The following CTNNA2 variants were observed in gnomAD, a reference collection of about 807,000 sequenced individuals.
The protein encoded by CTNNA2 is catenin alpha-2.
Under a neutral mutation model 101.0 loss-of-function variants are expected in CTNNA2, and 42 were observed. That is an observed-to-expected ratio of 0.42 (90% CI 0.32 to 0.54). The LOEUF is 0.54. Among genes scored for constraint, CTNNA2 ranks in the 20% least tolerant of loss-of-function variants. The pLI is 0.14. For missense variants in CTNNA2, 871 were observed against 1,223.1 expected (o/e 0.71, Z 4.29); for synonymous variants, 450 against 456.4 (o/e 0.99, Z 0.18).
At chr2:79,588,581 T>C (rs1233302751) in intron 1 of CTNNA2, among the ~76,000 whole-genome samples, 2 of 152,136 alleles carry the variant, frequency 1.3e-5, no homozygotes, top group Non-Finnish European at 2.9e-5. Flanking sequence ...TAGTGTCTTA[T>C]AGAATGGAAA....
intron 3 of CTNNA2, among the ~76,000 whole-genome samples, chr2:79,800,063 GA>G (rs1486199906): frequency 6.6e-6 from 1 of 152,114 alleles, no homozygotes; most frequent in East Asian, 1.9e-4. Context: ...CATGCAGATG[GA>G]TTAATCTGTA....
At chr2:80,568,785 T>C (rs1694296017) in intron 12 of CTNNA2, among the ~76,000 whole-genome samples, 1 of 152,172 alleles carries the variant, frequency 6.6e-6, no homozygotes, top group Admixed American at 6.5e-5. Flanking sequence ...ATGGATATGT[T>C]GCTGTGGGTC....
rs531792171 is a variant in CTNNA2, at chr2:79,968,781, C to T, written c.1056+58984C>T. Among the ~76,000 whole-genome samples, 13 of 151,818 alleles carry T rather than the reference C, an allele frequency of 8.6e-5. No individual in the cohort carries two copies. The South Asian group carries it at 2.5e-3, about 29-fold the overall frequency. ...TATCTGTATGTTAGTTATTTGTCTTCGCCTTATTTAGAGAGTTGAAGTTCA... is the reference window on the plus strand; with the variant it reads ...TATCTGTATGTTAGTTATTTGTCTTTGCCTTATTTAGAGAGTTGAAGTTCA... On this transcript the variant is annotated intron_variant, in intron 7 of 18. Transcript: ENST00000402739.
intron 18 of CTNNA2, among the ~76,000 whole-genome samples, chr2:80,632,153 G>A (rs910183452): frequency 6.6e-6 from 1 of 151,980 alleles, no homozygotes; most frequent in Non-Finnish European, 1.5e-5. Context: ...GCGAATCCCA[G>A]CATGATTTAT....
chr2:80,513,287 T>G (rs955946849), intron 9 of CTNNA2, among the ~76,000 whole-genome samples: 7 of 152,214 alleles, frequency 4.6e-5, no homozygotes, highest in African/African-American at 1.4e-4. Context: ...CTTCCTTCAG[T>G]TTTTTCCTCC....
chr2:79,683,053 T>C (rs984995213), intron 2 of CTNNA2, among the ~76,000 whole-genome samples: 2 of 152,244 alleles, frequency 1.3e-5, no homozygotes, highest in Non-Finnish European at 2.9e-5. Context: ...GATTGGTTCT[T>C]TACAATTTGG....
chr2:79,793,490 G>C (rs1675445132), intron 3 of CTNNA2, among the ~76,000 whole-genome samples: 2 of 152,232 alleles, frequency 1.3e-5, no homozygotes, highest in African/African-American at 4.8e-5. Context: ...CTTTTACTTT[G>C]AATAGTAAAC....
chr2:79,252,048 C>G (rs909848549), intron 2 of CTNNA2, among the ~76,000 whole-genome samples: 3 of 152,176 alleles, frequency 2.0e-5, no homozygotes, highest in Admixed American at 1.3e-4. Context: ...CAACACAGAT[C>G]AAACACACCA....
At chr2:80,348,921 A>C (rs1458888298) in intron 7 of CTNNA2, among the ~76,000 whole-genome samples, 3 of 152,174 alleles carry the variant, frequency 2.0e-5, no homozygotes, top group African/African-American at 7.2e-5. Context: ...GAAGGAAGCA[A>C]CAGAGGAAAG....
At position 80,382,962 on chromosome 2, in the gene CTNNA2, G is replaced by A. The variant is rs183873966; in HGVS notation, c.1057-10249G>A. Among the ~76,000 whole-genome samples the A allele has an allele frequency of 2.0e-5, 3 of 152,312 alleles. No individual in the cohort carries two copies. The East Asian group carries it at 5.8e-4, about 29-fold the overall frequency. ...CTGTGTATAAAATCAATGGGAATTTGCACTTTTGCCTTAACTACTTTTATC... is the reference window on the plus strand; with the variant it reads ...CTGTGTATAAAATCAATGGGAATTTACACTTTTGCCTTAACTACTTTTATC... On this transcript the variant is annotated intron_variant, in intron 7 of 18. Transcript: ENST00000402739.
intron 4 of CTNNA2, among the ~76,000 whole-genome samples, chr2:79,491,840 T>C (rs1558680351): frequency 6.6e-6 from 1 of 152,136 alleles, no homozygotes; most frequent in Non-Finnish European, 1.5e-5. Flanking sequence ...CCTGTTCTTA[T>C]TTAGGTTTTA....
At chr2:79,764,176 A>T (rs1027408535) in intron 3 of CTNNA2, among the ~76,000 whole-genome samples, 1 of 152,226 alleles carries the variant, frequency 6.6e-6, no homozygotes, top group African/African-American at 2.4e-5. Context: ...TTGGAGCAGA[A>T]TTAACTGAAC....
intron 8 of CTNNA2, among the ~76,000 whole-genome samples, chr2:80,404,209 A>G (rs947109607): frequency 1.3e-5 from 2 of 152,058 alleles, no homozygotes; most frequent in African/African-American, 4.8e-5. Context: ...GTATTCTCTG[A>G]TGGTTGTTTA....
intron 3 of CTNNA2, among the ~76,000 whole-genome samples, chr2:79,805,839 G>T (rs953192682): frequency 4.6e-5 from 7 of 152,026 alleles, no homozygotes; most frequent in Non-Finnish European, 1.5e-5. Context: ...TTGGGAGGCT[G>T]AGGCAGGAGA....
intron 1 of CTNNA2, among the ~76,000 whole-genome samples, chr2:79,528,725 C>T (rs1213113519): frequency 6.6e-6 from 1 of 152,076 alleles, no homozygotes; most frequent in South Asian, 2.1e-4. Context: ...TACAATTGTA[C>T]TATGTTCATA....
intron 1 of CTNNA2, among the ~76,000 whole-genome samples, chr2:79,515,115 C>T (rs1671739432): frequency 6.6e-6 from 1 of 152,090 alleles, no homozygotes; most frequent in Admixed American, 6.5e-5. Flanking sequence ...GAATGCAATT[C>T]CATTAATGGC....
Position 80,619,107 on chromosome 2 carries a change from C to G in CTNNA2, c.2453C>G (p.Thr818Ser). The G allele has an allele frequency of 2.0e-6, 3 of 1,534,266 alleles. No homozygotes were observed. Among genetic ancestry groups the G allele is most frequent in the Non-Finnish European group, 2.6e-6 (3 of 1,137,964 alleles). ...CAGACAGGAGTTCAGAGCACTTTCA[C>G]TACCTTTTATGAGGTAGATTGTGAT... The part of the protein sequence containing the change: ...VSGTGVQSTF[T>S]TFYEVDCDVI... Residue 818 changes from threonine to serine, a missense_variant, in exon 18 of 19, where the codon ACT becomes AGT. By Grantham distance (58) the Thr-to-Ser change is moderately conservative. Coordinates refer to ENST00000402739, the MANE Select transcript of CTNNA2 (RefSeq NM_001282597.3).
intron 3 of CTNNA2, among the ~76,000 whole-genome samples, chr2:79,771,464 A>G (rs149257982): frequency 0.011 from 1,702 of 152,348 alleles, 57 homozygotes; most frequent in East Asian, 0.11. Flanking sequence ...CAATGAAATA[A>G]TTATACAACT....
chr2:79,703,028 C>G (rs906635288), intron 2 of CTNNA2, among the ~76,000 whole-genome samples: 2 of 152,116 alleles, frequency 1.3e-5, no homozygotes, highest in African/African-American at 2.4e-5. Context: ...AGAGGAAGCA[C>G]TGATGAAATA....
Sources: allele counts gnomAD v4.1 joint callset (sites outside exome capture counted in the v4.1 genomes callset), GRCh38; gene constraint gnomAD v4.1.1; transcripts MANE v1.5; gene names NCBI Gene and HGNC (gene_info 2026-07-23, HGNC 2026-07-21).